The following TONSL variants were observed in gnomAD, a reference collection of about 807,000 sequenced individuals.
TONSL encodes tonsoku like, DNA repair protein.
In TONSL, 112 loss-of-function variants were observed where a neutral mutation model predicts 147.1. That is an observed-to-expected ratio of 0.76 (90% confidence interval 0.65 to 0.89). The LOEUF is 0.89. Ranked by LOEUF, TONSL falls within the 40% of genes least tolerant of loss-of-function variation. The pLI, the probability that TONSL is intolerant of heterozygous loss-of-function variation, is 0.00. For missense variants in TONSL, 1,883 were observed against 1,864.6 expected (o/e 1.01, Z -0.18); for synonymous variants, 868 against 801.5 (o/e 1.08, Z -1.40).
At chr8:144,438,385 G>A (rs1823558575) in intron 13 of TONSL, 86 bp downstream of exon 13, 1 of 1,422,502 alleles carries the variant, frequency 7.0e-7, no homozygotes, top group Non-Finnish European at 9.6e-7. Context: ...TGAGGAAGTT[G>A]AGAGTTACAG....
intron 21 of TONSL, 93 bp downstream of exon 21, chr8:144,433,885 G>C (rs1267793973): frequency 6.8e-7 from 1 of 1,468,182 alleles, no homozygotes; most frequent in East Asian, 2.4e-5. Context: ...GGCACTGGCT[G>C]GCTCTCCCAA....
In TONSL at chr8:144,440,075, C is replaced by T. The variant is rs762164028; in HGVS notation, c.1426G>A (p.Ala476Thr). 3.1e-6 allele frequency: 5 copies of T among 1,595,368 alleles called. No individual in the cohort carries two copies. The highest frequency in any genetic ancestry group is 4.3e-6 in the Non-Finnish European group (5 of 1,164,740). ...DEEEEAEEAA[A>T]TAESEALEAG... ...TCCAGGGCTTCGCTCTCCGCTGTGG[C>T]TGCCGCCTCCTCCGCCTCCTCCTCC... The change falls in exon 11 of 26, where the codon GCC becomes ACC. Residue 476 changes from alanine to threonine, a missense_variant. Physicochemically the swap from Ala to Thr is moderately conservative, Grantham distance 58. Coordinates refer to ENST00000409379, the MANE Select transcript of TONSL (RefSeq NM_013432.5).
chr8:144,431,160 G>A lies in TONSL; in HGVS notation c.3736-9C>T, dbSNP rs1554878585. On this transcript the variant is annotated splice_polypyrimidine_tract_variant and intron_variant, in intron 23 of 25. Transcript: ENST00000409379. ...GCTAGAGCACAGCCTTCCTGGACAT[G>A]AGCAGAGGCCCAAGGGGGCCAAACG... The A allele has an allele frequency of 6.2e-7, 1 of 1,614,002 alleles. No individual in the cohort carries two copies.
At position 144,443,957 on chromosome 8, in the gene TONSL, A is replaced by G. The variant is rs1267529835; in HGVS notation, c.189T>C (p.Pro63=). 2 of 1,542,732 alleles carry G rather than the reference A, an allele frequency of 1.3e-6. No individual in the cohort carries two copies. Among genetic ancestry groups the G allele is most frequent in the South Asian group, 1.2e-5 (1 of 84,052 alleles). Residue 63 remains proline, a synonymous_variant, in exon 3 of 26, where the codon CCT becomes CCC. Coordinates refer to ENST00000409379, the MANE Select transcript of TONSL (RefSeq NM_013432.5). ...TGCGGTGGGCCACGGCACAGCCCAG[A>G]GGGTCGTCAGCGCGCTCCCGAAGCT... is the stretch of plus-strand genomic sequence containing the variant. The part of the protein sequence containing the change: ...ELQLRERADD[P]LGCAVAHRKI...
chr8:144,434,079 T>A lies in TONSL; in HGVS notation c.3286A>T (p.Thr1096Ser), dbSNP rs782141256. The change falls in exon 21 of 26, where the codon ACC (threonine) becomes TCC (serine). Residue 1096 changes from threonine to serine, a missense_variant. Coordinates refer to ENST00000409379, the MANE Select transcript of TONSL (RefSeq NM_013432.5). ...CVAELVAALG[T>S]MPSLALLDLS... is the part of the protein sequence containing the mutation. ...TCAAGGAGGGCCAGGCTGGGCATGG[T>A]GCCCAGGGCAGCCACCAGCTCAGCC... 4.3e-6 allele frequency: 7 copies of A among 1,612,230 alleles called. No homozygotes were observed. The South Asian group carries it at 7.7e-5, about 18-fold the overall frequency.
Position 144,435,878 on chromosome 8 carries a change from C to T in TONSL, c.2555G>A (p.Gly852Asp). The T allele has an allele frequency of 1.3e-6, 2 of 1,597,916 alleles. No homozygotes were observed. The highest frequency in any genetic ancestry group is 1.7e-6 in the Non-Finnish European group (2 of 1,169,534). Residue 852 changes from glycine to aspartate, a missense_variant, in exon 17 of 26, where the codon GGC becomes GAC. Transcript: ENST00000409379. Reference protein sequence around the residue: ...LTRSRRPRPRGTGDNRRPSST... With the variant: ...LTRSRRPRPRDTGDNRRPSST... ...ACTGGGCCTGCGGTTGTCTCCAGTG[C>T]CCCGGGGGCGGGGCCGGCGGCTGCG... is the stretch of plus-strand genomic sequence containing the variant.
intron 16 of TONSL, 54 bp downstream of exon 16, chr8:144,436,503 CG>C: frequency 6.3e-7 from 1 of 1,583,554 alleles, no homozygotes. Context: ...AATCAGGGCC[CG>C]GGGACTCTCA....
Position 144,441,498 on chromosome 8 carries a change from A to AAG in TONSL, c.866-388_866-387insCT, listed in dbSNP as rs1823717816. 4.3e-5 allele frequency: 9 copies of AAG among 211,616 alleles called. 1 individual carries two copies. In the South Asian group the frequency reaches 7.0e-4, roughly 17 times the overall value. 13.1% of individuals were successfully genotyped at this position (211,616 alleles called of 1,614,324 possible). ...TCCCAGCTACTCGGGAGGCTGAGGC[A>AAG]GGAGAATGGCATGAACCCGGGAAGC... On this transcript the variant is annotated intron_variant, in intron 7 of 25. Coordinates refer to ENST00000409379, the MANE Select transcript of TONSL (RefSeq NM_013432.5).
In TONSL at chr8:144,429,064, C is replaced by T. The variant is rs1823044729; in HGVS notation, c.*79G>A. The T allele has an allele frequency of 6.3e-6, 9 of 1,421,138 alleles. 1 individual carries two copies. In the South Asian group the frequency reaches 1.1e-4, roughly 18 times the overall value. The allele number at this position is 1,421,138 out of a possible 1,614,324, so 88.0% of individuals were successfully genotyped here. On this transcript the variant is annotated 3_prime_UTR_variant, in exon 26 of 26. Coordinates refer to ENST00000409379, the MANE Select transcript of TONSL (RefSeq NM_013432.5). ...TGGGCCTCCCAAAGTGTTGGGATTA[C>T]AGGCGTGAGCCACCGCGCCCGGCCA...
At chr8:144,429,681 AAGCTC>A (rs1215560161) in intron 25 of TONSL, among the ~76,000 whole-genome samples, 3 of 152,300 alleles carry the variant, frequency 2.0e-5, no homozygotes, top group Admixed American at 6.5e-5. Context: ...AGAGAACACT[AAGCTC>A]AGGAATTCAG....
chr8:144,438,379 G>C (rs115119582), intron 13 of TONSL, 92 bp downstream of exon 13: 2 of 1,377,882 alleles, frequency 1.5e-6, no homozygotes, highest in Admixed American at 1.9e-5. Context: ...TGAAGATGAG[G>C]AAGTTGAGAG....
At position 144,442,972 on chromosome 8, in the gene TONSL, C is replaced by G. The variant is rs186371137; in HGVS notation, c.448+166G>C. 17 of 1,226,532 alleles carry G rather than the reference C, an allele frequency of 1.4e-5. No homozygotes were observed. The African/African-American group carries it at 2.3e-4, about 17-fold the overall frequency. The allele number at this position is 1,226,532 out of a possible 1,614,324, so 76.0% of individuals were successfully genotyped here. On this transcript the variant is annotated intron_variant, in intron 4 of 25. Transcript: ENST00000409379. ...GAGCACAGAGTGGATAAAGAGCTGA[C>G]GATCTCCAGGGGAAAGGTTGAGCGG...
chr8:144,431,265 A>C, intron 23 of TONSL, 114 bp from the exon 24 acceptor site: 1 of 938,368 alleles, frequency 1.1e-6, no homozygotes, highest in Non-Finnish European at 1.7e-6. Context: ...TCCCCCATCA[A>C]GTTGGAGATC....
intron 13 of TONSL, chr8:144,438,151 T>G: frequency 2.5e-6 from 1 of 395,552 alleles, no homozygotes; most frequent in Middle Eastern, 7.5e-4. Context: ...TCTGCCTGCC[T>G]TGGCATCCCA....
In TONSL at chr8:144,429,183, G is replaced by T. The variant is rs1554877927; in HGVS notation, c.4097C>A (p.Thr1366Lys). ...GAAGAGCTTGGAGCCGTGGTCCAGC[G>T]TGCACTCGCCGGGGCCCGGCCGACT... ...QPSRPGPGEC[T>K]LDHGSKLFFR... Residue 1366 changes from threonine to lysine, a missense_variant, in exon 26 of 26, where the codon ACG becomes AAG. Coordinates refer to ENST00000409379, the MANE Select transcript of TONSL (RefSeq NM_013432.5). The T allele has an allele frequency of 6.5e-7, 1 of 1,534,556 alleles. No homozygotes were observed. Among genetic ancestry groups the T allele is most frequent in the South Asian group, 1.2e-5 (1 of 83,742 alleles).
chr8:144,428,914 G>C lies in TONSL; in HGVS notation c.*229C>G, dbSNP rs185364624. 1,363 of 412,146 alleles carry C rather than the reference G, an allele frequency of 3.3e-3. 19 individuals carry two copies. The highest frequency in any genetic ancestry group is 0.014 in the African/African-American group (684 of 48,098). The allele number at this position is 412,146 out of a possible 1,614,324, so 25.5% of individuals were successfully genotyped here. On this transcript the variant is annotated 3_prime_UTR_variant, in exon 26 of 26. Transcript: ENST00000409379. ...ACGCCATTCTCCTGCCTCAGCCTCC[G>C]GAGTAGCTGGGACTACAGGCTTCCA...
In TONSL at chr8:144,436,281, C is replaced by A. The variant is rs1455588495; in HGVS notation, c.2152G>T (p.Val718Phe). 4.0e-6 allele frequency: 6 copies of A among 1,512,188 alleles called. No homozygotes were observed. In the African/African-American group the frequency reaches 4.1e-5, roughly 10 times the overall value. The allele number at this position is 1,512,188 out of a possible 1,614,324, so 93.7% of individuals were successfully genotyped here. The change falls in exon 17 of 26, where the codon GTC (valine) becomes TTC (phenylalanine). Residue 718 changes from valine (V) to phenylalanine (F), a missense_variant. Coordinates refer to ENST00000409379, the MANE Select transcript of TONSL (RefSeq NM_013432.5). ...GCTGGTGCCGCCTGCCCTGGGGAGA[C>A]CCTGACATGGGCCTGAGAGGCCTCT... ...LPEASQAHVR[V>F]SPGQAAPAMA...
At chr8:144,442,890 C>G in intron 4 of TONSL, 84 bp from the exon 5 acceptor site, 1 of 1,502,002 alleles carries the variant, frequency 6.7e-7, no homozygotes, top group Non-Finnish European at 8.9e-7. Context: ...GCCTGTGCAG[C>G]GCCTCTCCTA....
Position 144,432,458 on chromosome 8 carries a change from C to A in TONSL, c.3562G>T (p.Ala1188Ser). The A allele has an allele frequency of 6.5e-7, 1 of 1,535,798 alleles. No individual in the cohort carries two copies. Among genetic ancestry groups the A allele is most frequent in the Non-Finnish European group, 8.7e-7 (1 of 1,143,136 alleles). ...AGGGACAGGGTCTTCAGGTGCTCAG[C>A]ATCTGCACCGGGGCCAGAATCCGTC... Reference protein sequence around the residue: ...QTALGSAFQDAEHLKTLSLSY... With the variant: ...QTALGSAFQDSEHLKTLSLSY... Residue 1188 changes from alanine to serine, a missense_variant and splice_region_variant, in exon 23 of 26, where the codon GCT becomes TCT. Coordinates refer to ENST00000409379, the MANE Select transcript of TONSL (RefSeq NM_013432.5).
Sources: gnomAD v4.1 joint callset for allele counts (sites outside exome capture counted in the v4.1 genomes callset) on GRCh38, gnomAD v4.1.1 for gene constraint, MANE v1.5 for transcripts, NCBI Gene and HGNC (gene_info 2026-07-23, HGNC 2026-07-21) for gene names.